METTL9: variants seen among roughly 807,000 people sequenced by gnomAD.
The protein encoded by METTL9 is protein-L-histidine N-pros-methyltransferase.
Under a neutral mutation model 36.0 loss-of-function variants are expected in METTL9, and 10 were observed. The observed-to-expected ratio is 0.28, with a 90% CI of 0.17 to 0.47. The LOEUF (loss-of-function observed/expected upper bound fraction) is 0.47. Among genes scored for constraint, METTL9 ranks in the 20% least tolerant of loss-of-function variants. The pLI is 0.99. For synonymous variants in METTL9, 175 were observed against 149.7 expected (o/e 1.17, Z -1.23); for missense variants, 246 against 383.5 (o/e 0.64, Z 3.00).
chr16:21,626,975 C>A, intron 4 of METTL9: 1 of 985,390 alleles, frequency 1.0e-6, no homozygotes, highest in Non-Finnish European at 1.2e-6. Flanking sequence ...AGGGAAGTCT[C>A]CATGAAGTGT....
intron 4 of METTL9, among the ~76,000 whole-genome samples, chr16:21,631,465 G>A (rs1400251946): frequency 6.6e-6 from 1 of 152,156 alleles, no homozygotes; most frequent in East Asian, 1.9e-4. Flanking sequence ...AGTACTTTAA[G>A]GCTCAGCTGA....
At chr16:21,646,473 A>G (rs1284957702) in intron 4 of METTL9, 2 of 157,370 alleles carry the variant, frequency 1.3e-5, no homozygotes, top group African/African-American at 4.8e-5. Context: ...TTACCAGACT[A>G]GTTCCTGAGA....
rs532024001 is a variant in METTL9, at chr16:21,632,375, G to A, written c.751+7260G>A. ...GGGGAAGAGGCTTACTTTCAAGTAC[G>A]GTTACATCATGAACTATGGCATAAT... On this transcript the variant is annotated intron_variant, in intron 4 of 4. Transcript: ENST00000358154. Among the ~76,000 whole-genome samples the A allele has an allele frequency of 1.5e-3, 227 of 152,268 alleles. 1 individual carries two copies. Among genetic ancestry groups the A allele is most frequent in the Non-Finnish European group, 2.8e-3 (191 of 68,034 alleles).
chr16:21,654,047 T>G (rs1966648284), intron 4 of METTL9: 1 of 143,748 alleles, frequency 7.0e-6, no homozygotes, highest in Admixed American at 6.9e-5. Flanking sequence ...TTTTTTTTTT[T>G]TTTTTTTTTT....
chr16:21,643,431 C>A, intron 4 of METTL9: 1 of 692,924 alleles, frequency 1.4e-6, no homozygotes, highest in Non-Finnish European at 2.4e-6. Context: ...TGAAAGTTAC[C>A]TTGATATTCT....
At chr16:21,606,043 G>C (rs1338711788) in intron 1 of METTL9, among the ~76,000 whole-genome samples, 1 of 151,780 alleles carries the variant, frequency 6.6e-6, no homozygotes, top group African/African-American at 2.4e-5. Context: ...ATGACTCATA[G>C]AACTTAGGAA....
rs144981747 is a variant in METTL9 at position 21,629,352 on chromosome 16, G to A, written c.751+4237G>A. Among the ~76,000 whole-genome samples the A allele has an allele frequency of 3.9e-5, 6 of 152,202 alleles. No individual in the cohort carries two copies. In the East Asian group the frequency reaches 9.7e-4, roughly 25 times the overall value. On this transcript the variant is annotated intron_variant, in intron 4 of 4. Coordinates refer to ENST00000358154, the MANE Select transcript of METTL9 (RefSeq NM_016025.5). Reference sequence around the variant, plus strand: ...GGATGAATGCCCTTTTAAGAGTTCCGAGAGACCTTGCTTCTCTCTACCTTC... The same window carrying A: ...GGATGAATGCCCTTTTAAGAGTTCCAAGAGACCTTGCTTCTCTCTACCTTC...
intron 4 of METTL9, chr16:21,643,023 A>C (rs1403673168): frequency 3.9e-6 from 5 of 1,297,934 alleles, no homozygotes; most frequent in African/African-American, 1.5e-5. Flanking sequence ...TAGTTTTTTC[A>C]AACGTGCTTT....
intron 4 of METTL9, among the ~76,000 whole-genome samples, chr16:21,631,852 C>T (rs1362327452): frequency 1.3e-5 from 2 of 152,102 alleles, no homozygotes; most frequent in East Asian, 3.8e-4. Flanking sequence ...TTAACTTTAC[C>T]CTGGCTTTTA....
At chr16:21,650,514 A>C (rs1335485991) in intron 4 of METTL9, among the ~76,000 whole-genome samples, 2 of 151,658 alleles carry the variant, frequency 1.3e-5, no homozygotes, top group African/African-American at 4.8e-5. Flanking sequence ...GTCTCAAAAA[A>C]AAAAAAAAAA....
intron 1 of METTL9, among the ~76,000 whole-genome samples, chr16:21,603,028 CAATAGCAGCATATTTGCTACTG>C (rs1189307858): frequency 6.6e-6 from 1 of 152,130 alleles, no homozygotes; most frequent in Non-Finnish European, 1.5e-5. Flanking sequence ...TCCCTGGCTA[CAATAGCAGCATATTTGCTACTG>C]TATGGCCTGC....
intron 4 of METTL9, among the ~76,000 whole-genome samples, chr16:21,651,359 A>G (rs1458027552): frequency 2.0e-5 from 3 of 152,160 alleles, no homozygotes; most frequent in Non-Finnish European, 4.4e-5. Flanking sequence ...CAGTGGCACA[A>G]TCACAGCTCC....
intron 4 of METTL9, chr16:21,643,027 G>A (rs367715461): frequency 3.9e-5 from 51 of 1,306,634 alleles, no homozygotes; most frequent in Non-Finnish European, 4.9e-5. Flanking sequence ...TTTTTCAAAC[G>A]TGCTTTATAT....
intron 4 of METTL9, chr16:21,639,772 A>AT (rs1291246685): frequency 6.6e-6 from 1 of 152,102 alleles, no homozygotes; most frequent in African/African-American, 2.4e-5. Context: ...TCCCCTGCCC[A>AT]TTTTTCTGGG....
intron 4 of METTL9, chr16:21,644,446 T>C (rs1486475867): frequency 7.8e-7 from 1 of 1,279,084 alleles, no homozygotes; most frequent in Non-Finnish European, 1.1e-6. Flanking sequence ...AGCCTATTCT[T>C]TCAAATACAT....
upstream of METTL9, among the ~76,000 whole-genome samples, chr16:21,599,231 G>A (rs1214973271): frequency 2.0e-5 from 3 of 152,192 alleles, no homozygotes. This position sits in a 1 kb window ranked among gnomAD's most constrained non-coding sequence, Gnocchi z 4.4. Context: ...GGAGTGGGAT[G>A]AGGCGAGGAA....
intron 3 of METTL9, among the ~76,000 whole-genome samples, chr16:21,619,666 G>C (rs181508610): frequency 1.1e-3 from 166 of 146,308 alleles, no homozygotes; most frequent in Non-Finnish European, 8.0e-4. Context: ...TCAAACTGCT[G>C]ACCTCGTGAT....
chr16:21,604,207 T>C (rs1965214550), intron 1 of METTL9, among the ~76,000 whole-genome samples: 1 of 152,182 alleles, frequency 6.6e-6, no homozygotes, highest in African/African-American at 2.4e-5. Flanking sequence ...CCAAAGAGAC[T>C]TCAGAAAGGA....
rs148133515 is a variant in METTL9 at position 21,629,710 on chromosome 16, G to T, written c.751+4595G>T. On this transcript the variant is annotated intron_variant, in intron 4 of 4. Coordinates refer to ENST00000358154, the MANE Select transcript of METTL9 (RefSeq NM_016025.5). ...TTATTGCAAAGAACGAAAGAACAAA[G>T]CTTCCTCAGCATGGATGGGGACCCA... Among the ~76,000 whole-genome samples, 6 of 152,278 alleles carry T rather than the reference G, an allele frequency of 3.9e-5. No homozygotes were observed. In the East Asian group the frequency reaches 1.2e-3, roughly 29 times the overall value.
Sources: gnomAD v4.1 joint callset for allele counts (sites outside exome capture counted in the v4.1 genomes callset) on GRCh38, gnomAD v4.1.1 for gene constraint, Gnocchi (gnomAD v3.1) non-coding constraint, MANE v1.5 for transcripts, NCBI Gene and HGNC (gene_info 2026-07-23, HGNC 2026-07-21) for gene names.